NEK1: variants seen among roughly 807,000 people sequenced by gnomAD.
The protein encoded by NEK1 is serine/threonine-protein kinase Nek1.
NEK1 carries 137 observed loss-of-function variants against 182.1 expected under a neutral mutation model. The ratio of observed to expected loss-of-function variants is 0.75; its 90% CI spans 0.65 to 0.87. The LOEUF is 0.87. Among genes scored for constraint, NEK1 ranks in the 40% least tolerant of loss-of-function variants. NEK1 has a pLI of 0.00. For synonymous variants in NEK1, 513 were observed against 492.2 expected (o/e 1.04, Z -0.56); for missense variants, 1,391 against 1,494.4 (o/e 0.93, Z 1.14).
At chr4:169,543,645 G>C (rs1486546070) in intron 18 of NEK1, among the ~76,000 whole-genome samples, 4 of 152,098 alleles carry the variant, frequency 2.6e-5, no homozygotes, top group East Asian at 1.9e-4. Context: ...ATTTGTTTCT[G>C]TCCTCTCTTA....
Position 169,433,676 on chromosome 4 carries a change from T to C in NEK1, c.2765-11A>G. On this transcript the variant is annotated splice_polypyrimidine_tract_variant and intron_variant, in intron 28 of 35. Coordinates refer to ENST00000507142, the MANE Select transcript of NEK1 (RefSeq NM_001199397.3). ...CCAAATCATCAGGTTCTGCAAAGGA[T>C]AAACGTAACGAGAGACATCTCAAAG... 6.2e-7 allele frequency: 1 copy of C among 1,612,420 alleles called. No individual in the cohort carries two copies. Among genetic ancestry groups the C allele is most frequent in the Non-Finnish European group, 8.5e-7 (1 of 1,179,216 alleles).
intron 16 of NEK1, among the ~76,000 whole-genome samples, chr4:169,560,776 G>GA (rs928229994): frequency 9.3e-5 from 14 of 150,400 alleles, no homozygotes; most frequent in Admixed American, 6.0e-4. Context: ...ACTGTTCTTG[G>GA]AAAAAAAACT....
intron 10 of NEK1, among the ~76,000 whole-genome samples, chr4:169,583,447 A>G (rs752449136): frequency 1.2e-4 from 18 of 152,232 alleles, no homozygotes; most frequent in Non-Finnish European, 2.6e-4. Context: ...AGTGGTGCTT[A>G]AATAGTAACA....
At chr4:169,444,805 CTCA>C (rs1740191179) in intron 27 of NEK1, among the ~76,000 whole-genome samples, 1 of 152,174 alleles carries the variant, frequency 6.6e-6, no homozygotes, top group South Asian at 2.1e-4. Context: ...ATACATTCTT[CTCA>C]TCAGCACATG....
chr4:169,515,603 T>C (rs1755074361), intron 19 of NEK1, among the ~76,000 whole-genome samples: 1 of 128,962 alleles, frequency 7.8e-6, no homozygotes, highest in African/African-American at 2.9e-5. Flanking sequence ...CTGCACCCAC[T>C]AATGTGTCAT....
intron 12 of NEK1, among the ~76,000 whole-genome samples, chr4:169,564,791 C>T (rs1488519439): frequency 6.6e-6 from 1 of 151,990 alleles, no homozygotes; most frequent in Non-Finnish European, 1.5e-5. Flanking sequence ...TATGTAATAC[C>T]ACCCAATGGG....
chr4:169,460,510 AG>A (rs1743769151), intron 27 of NEK1, among the ~76,000 whole-genome samples: 1 of 152,078 alleles, frequency 6.6e-6, no homozygotes, highest in Non-Finnish European at 1.5e-5. Context: ...CTATAAGATG[AG>A]ATTTGGGTGG....
intron 12 of NEK1, among the ~76,000 whole-genome samples, chr4:169,563,990 T>C (rs1257616836): frequency 6.6e-6 from 1 of 152,180 alleles, no homozygotes; most frequent in Non-Finnish European, 1.5e-5. Flanking sequence ...CCTTTTTAAG[T>C]CCTTTTCTTT....
Position 169,438,085 on chromosome 4 carries a change from T to C in NEK1, c.2762A>G (p.Glu921Gly). The C allele has an allele frequency of 6.2e-7, 1 of 1,609,498 alleles. No homozygotes were observed. The highest frequency in any genetic ancestry group is 1.1e-5 in the South Asian group (1 of 89,558). Reference sequence around the variant, plus strand: ...CATTTTGACTCATTAGAACATACCTTCTAAATTTCCTTCCAGTTTCAATGA... The same window carrying C: ...CATTTTGACTCATTAGAACATACCTCCTAAATTTCCTTCCAGTTTCAATGA... ...QMSLKLEGNLEEPDDLETEIL... is the reference protein window; with the variant it reads ...QMSLKLEGNLGEPDDLETEIL... The change falls in exon 28 of 36, where the codon GAA (glutamate) becomes GGA (glycine). Residue 921 changes from glutamate to glycine, a missense_variant and splice_region_variant. Physicochemically the swap from Glu to Gly is moderately conservative, Grantham distance 98. Transcript: ENST00000507142.
chr4:169,468,380 T>C (rs1745318961), intron 26 of NEK1, among the ~76,000 whole-genome samples: 1 of 152,160 alleles, frequency 6.6e-6, no homozygotes, highest in South Asian at 2.1e-4. Context: ...TAATGTTCTG[T>C]ATCTTGATGG....
intron 5 of NEK1, among the ~76,000 whole-genome samples, chr4:169,596,470 T>A (rs1211974718): frequency 6.6e-6 from 1 of 152,208 alleles, no homozygotes; most frequent in Admixed American, 6.5e-5. Flanking sequence ...AAAATACTGG[T>A]ACATCTTTAA....
chr4:169,511,105 T>C (rs1158972578), intron 19 of NEK1, among the ~76,000 whole-genome samples: 3 of 152,140 alleles, frequency 2.0e-5, no homozygotes, highest in Non-Finnish European at 2.9e-5. Context: ...CTTAAACTTG[T>C]TGTTAAGTCT....
intron 27 of NEK1, among the ~76,000 whole-genome samples, chr4:169,444,776 C>T (rs1740186416): frequency 6.6e-6 from 1 of 152,194 alleles, no homozygotes; most frequent in South Asian, 2.1e-4. Context: ...CTACAGAACA[C>T]ATCCAACAGC....
chr4:169,436,799 A>G (rs564975605), intron 28 of NEK1, among the ~76,000 whole-genome samples: 1 of 152,348 alleles, frequency 6.6e-6, no homozygotes, highest in East Asian at 1.9e-4. Context: ...ATTTAAAGGC[A>G]TGTCTTGCAG....
At chr4:169,555,468 A>G in intron 18 of NEK1, 2 of 434,396 alleles carry the variant, frequency 4.6e-6, no homozygotes, top group Non-Finnish European at 8.4e-6. Context: ...ATGTTATCAC[A>G]TGTTCCTTTA....
intron 18 of NEK1, among the ~76,000 whole-genome samples, chr4:169,540,778 G>A (rs922439892): frequency 6.6e-6 from 1 of 151,762 alleles, no homozygotes; most frequent in African/African-American, 2.4e-5. Flanking sequence ...GGACTAAAAA[G>A]TATAATGTAA....
intron 6 of NEK1, 83 bp downstream of exon 6, chr4:169,590,643 C>A (rs774899051): frequency 1.6e-4 from 137 of 835,814 alleles, no homozygotes; most frequent in Non-Finnish European, 2.4e-4. Flanking sequence ...CACACTAAAT[C>A]AGGTTCAAAA....
rs758835613 is a variant in NEK1 at position 169,505,040 on chromosome 4, T to TC, written c.2007+1996_2007+1997insG. ...ACAAAAATTAAAAGTAAAAAAAAAA[T>TC]TTTTTTTAAGGCACAACTTACAGAA... is the stretch of plus-strand genomic sequence containing the variant. On this transcript the variant is annotated intron_variant, in intron 23 of 35. Transcript: ENST00000507142. Among the ~76,000 whole-genome samples, 923 of 118,972 alleles carry TC rather than the reference T, an allele frequency of 7.8e-3. 5 individuals carry two copies. The highest frequency in any genetic ancestry group is 9.5e-3 in the Non-Finnish European group (524 of 55,030). The allele number at this position is 118,972 out of a possible 152,430, so 78.1% of individuals were successfully genotyped here. A position where few individuals can be genotyped will look rare whatever the true frequency, so the allele number is the denominator to read the frequency against.
chr4:169,593,228 T>C (rs1269223261), intron 5 of NEK1, among the ~76,000 whole-genome samples: 1 of 152,184 alleles, frequency 6.6e-6, no homozygotes, highest in Non-Finnish European at 1.5e-5. Flanking sequence ...GTAAATATTT[T>C]AGGTTTTGCA....
Sources: allele counts gnomAD v4.1 joint callset (sites outside exome capture counted in the v4.1 genomes callset), GRCh38; gene constraint gnomAD v4.1.1; transcripts MANE v1.5; gene names NCBI Gene and HGNC (gene_info 2026-07-23, HGNC 2026-07-21).